SND1: variants seen among roughly 807,000 people sequenced by gnomAD.
The protein encoded by SND1 is staphylococcal nuclease and tudor domain containing 1.
A neutral mutation model predicts 121.7 loss-of-function variants in SND1; 38 were observed. That is an observed-to-expected ratio of 0.31 (90% CI 0.24 to 0.41). SND1 has a LOEUF of 0.41. SND1 is among the 10% of genes least tolerant of loss of function. The probability of loss-of-function intolerance (pLI) is 1.00; values close to 1 mark genes in which losing one functional copy is unlikely to be tolerated. For missense variants in SND1, 868 were observed against 1,184.6 expected (o/e 0.73, Z 3.92); for synonymous variants, 401 against 447.4 (o/e 0.90, Z 1.31).
chr7:127,963,016 T>C (rs550913069), intron 15 of SND1, among the ~76,000 whole-genome samples: 1 of 152,318 alleles, frequency 6.6e-6, no homozygotes, highest in African/African-American at 2.4e-5. Context: ...AATCAACAAT[T>C]ACTTTATATT....
intron 11 of SND1, among the ~76,000 whole-genome samples, chr7:127,836,978 C>A (rs1267579978): frequency 6.6e-6 from 1 of 152,106 alleles, no homozygotes; most frequent in Non-Finnish European, 1.5e-5. Context: ...ACCTGAAATT[C>A]TTTTTCTGAA....
intron 12 of SND1, among the ~76,000 whole-genome samples, chr7:127,847,382 C>G (rs1210869404): frequency 6.6e-6 from 1 of 152,226 alleles, no homozygotes; most frequent in Non-Finnish European, 1.5e-5. Flanking sequence ...AGTTATACTA[C>G]TAAGAGCCTT....
intron 17 of SND1, among the ~76,000 whole-genome samples, chr7:128,078,741 C>T (rs1793549001): frequency 6.6e-6 from 1 of 152,260 alleles, no homozygotes; most frequent in Admixed American, 6.5e-5. Flanking sequence ...CCGAATTCAT[C>T]AACACTGCTG....
intron 10 of SND1, among the ~76,000 whole-genome samples, chr7:127,795,836 TTTTA>T (rs578235504): frequency 3.9e-5 from 6 of 151,912 alleles, no homozygotes; most frequent in South Asian, 2.1e-4. Flanking sequence ...TTTTCTAATC[TTTTA>T]TTTATTTATT....
chr7:128,050,067 G>A (rs774612386), intron 16 of SND1, among the ~76,000 whole-genome samples: 6 of 152,168 alleles, frequency 3.9e-5, no homozygotes, highest in Admixed American at 1.3e-4. Context: ...CTGGGTTTTC[G>A]TAAGAAGACT....
intron 13 of SND1, among the ~76,000 whole-genome samples, chr7:127,900,782 GA>G (rs764891225): frequency 9.2e-5 from 14 of 152,136 alleles, no homozygotes; most frequent in Non-Finnish European, 1.9e-4. Flanking sequence ...TTCTTTCCCT[GA>G]CTGGTGATGA....
chr7:127,765,995 T>C (rs10239440), intron 10 of SND1, among the ~76,000 whole-genome samples: 32,032 of 152,172 alleles, frequency 0.21, 3,953 homozygotes, highest in African/African-American at 0.35. Flanking sequence ...CTAAAATTCA[T>C]GTGCTGGAAA....
At chr7:127,989,391 C>G (rs1802469142) in intron 15 of SND1, among the ~76,000 whole-genome samples, 1 of 152,212 alleles carries the variant, frequency 6.6e-6, no homozygotes, top group African/African-American at 2.4e-5. Flanking sequence ...TCTTTATCTT[C>G]TGAAAGCCCA....
chr7:127,929,849 A>T (rs561788919), intron 15 of SND1, among the ~76,000 whole-genome samples: 1 of 152,108 alleles, frequency 6.6e-6, no homozygotes, highest in Non-Finnish European at 1.5e-5. Context: ...TCCCACATCG[A>T]TAGTATTTCT....
intron 11 of SND1, among the ~76,000 whole-genome samples, chr7:127,833,889 T>C (rs1246867609): frequency 6.6e-6 from 1 of 152,190 alleles, no homozygotes; most frequent in African/African-American, 2.4e-5. Flanking sequence ...GTCAACCATG[T>C]TCCTATTTTT....
At chr7:128,022,594 A>G (rs1046632377) in intron 16 of SND1, among the ~76,000 whole-genome samples, 1 of 152,236 alleles carries the variant, frequency 6.6e-6, no homozygotes, top group African/African-American at 2.4e-5. Context: ...ACTGATAGAC[A>G]TCACTATTTT....
intron 9 of SND1, 112 bp downstream of exon 9, chr7:127,707,759 C>A: frequency 1.5e-6 from 1 of 673,326 alleles, no homozygotes; most frequent in Non-Finnish European, 2.5e-6. Flanking sequence ...CAAGGCAAGC[C>A]AGTAGGAGTG....
intron 11 of SND1, among the ~76,000 whole-genome samples, chr7:127,812,114 ATGCTTTTAAT>A (rs1316337388): frequency 2.6e-5 from 4 of 152,228 alleles, no homozygotes; most frequent in Non-Finnish European, 5.9e-5. Context: ...TCAGATGCCA[ATGCTTTTAAT>A]TGCTATGCTG....
rs35627839 is a variant in SND1 at position 127,707,766 on chromosome 7, A to AGTGTGTGTGTGTGT, written c.1038+152_1038+165dup. Reference sequence around the variant, plus strand: ...GAAAATTTCAAGGCAAGCCAGTAGGAGTGTGTGTGTGTGTGTGTGTGTGTG... The same window carrying AGTGTGTGTGTGTGT: ...GAAAATTTCAAGGCAAGCCAGTAGGAGTGTGTGTGTGTGTGTGTGTGTGTGTGTGTGTGTGTGTG... On this transcript the variant is annotated intron_variant, in intron 9 of 23. Transcript: ENST00000354725. 347 of 409,040 alleles carry AGTGTGTGTGTGTGT rather than the reference A, an allele frequency of 8.5e-4. 1 individual carries two copies. The highest frequency in any genetic ancestry group is 1.3e-3 in the Admixed American group (42 of 32,730). 25.3% of individuals were successfully genotyped at this position (409,040 alleles called of 1,614,324 possible). A position where few individuals can be genotyped will look rare whatever the true frequency, so the allele number is the denominator to read the frequency against.
chr7:127,794,810 A>G (rs980298916), intron 10 of SND1, among the ~76,000 whole-genome samples: 4 of 152,204 alleles, frequency 2.6e-5, no homozygotes, highest in Non-Finnish European at 4.4e-5. Flanking sequence ...GAAATGTGGG[A>G]GAAGATTTCT....
At chr7:127,675,652 G>A (rs191953594) in intron 1 of SND1, among the ~76,000 whole-genome samples, 38 of 152,132 alleles carry the variant, frequency 2.5e-4, no homozygotes, top group Admixed American at 4.6e-4. Context: ...CTTGACCCTC[G>A]CCATTTGATA....
chr7:127,922,197 T>TTTTTTGTTTTTTG (rs1800731231), intron 14 of SND1, among the ~76,000 whole-genome samples: 1 of 135,372 alleles, frequency 7.4e-6, no homozygotes, highest in African/African-American at 2.8e-5. Context: ...TTTTTTTTTT[T>TTTTTTGTTTTTTG]TTTTTTGTTT....
chr7:128,085,668 C>T lies in SND1; in HGVS notation c.2235-43C>T, dbSNP rs1440045308. On this transcript the variant is annotated intron_variant, in intron 19 of 23. Coordinates refer to ENST00000354725, the MANE Select transcript of SND1 (RefSeq NM_014390.4). The surrounding 1 kb of genome is among the most constrained non-coding windows in gnomAD (Gnocchi z 4.4). Reference sequence around the variant, plus strand: ...TGCTGAGGCTCTGGGAGCCCAGAGTCCTCAGGGCTGTCTCTTGAGCTCTGC... The same window carrying T: ...TGCTGAGGCTCTGGGAGCCCAGAGTTCTCAGGGCTGTCTCTTGAGCTCTGC... The T allele has an allele frequency of 2.5e-6, 4 of 1,573,362 alleles. No homozygotes were observed. Among genetic ancestry groups the T allele is most frequent in the Non-Finnish European group, 3.5e-6 (4 of 1,143,326 alleles).
intron 4 of SND1, among the ~76,000 whole-genome samples, chr7:127,699,534 C>T (rs1796066507): frequency 1.3e-5 from 2 of 152,168 alleles, no homozygotes; most frequent in Non-Finnish European, 1.5e-5. Flanking sequence ...CAAAGTCTTT[C>T]AAGTCTGTGT....
Sources: gnomAD v4.1 joint callset for allele counts (sites outside exome capture counted in the v4.1 genomes callset) on GRCh38, gnomAD v4.1.1 for gene constraint, Gnocchi (gnomAD v3.1) non-coding constraint, MANE v1.5 for transcripts, NCBI Gene and HGNC (gene_info 2026-07-23, HGNC 2026-07-21) for gene names.